Variants in MARCHF1 observed in about 807,000 individuals in gnomAD.
MARCHF1 encodes the protein membrane associated ring-CH-type finger 1, also known as E3 ubiquitin-protein ligase MARCHF1.
Under a neutral mutation model 54.2 loss-of-function variants are expected in MARCHF1, and 40 were observed. The observed-to-expected ratio is 0.74, with a 90% CI of 0.57 to 0.96. MARCHF1 has a LOEUF of 0.96. MARCHF1 is among the 40% of genes least tolerant of loss of function. The pLI is 0.00. For synonymous variants in MARCHF1, 236 were observed against 236.3 expected (o/e 1.00, Z 0.01); for missense variants, 586 against 656.5 (o/e 0.89, Z 1.17).
At chr4:164,355,559 C>A (rs1730499293) in intron 1 of MARCHF1, among the ~76,000 whole-genome samples, 1 of 91,024 alleles carries the variant, frequency 1.1e-5, no homozygotes, top group Non-Finnish European at 2.3e-5. Flanking sequence ...ACTGGCTAGC[C>A]ATATGTAGAA....
chr4:163,764,494 A>T (rs1189151859), intron 4 of MARCHF1, among the ~76,000 whole-genome samples: 1 of 152,092 alleles, frequency 6.6e-6, no homozygotes, highest in Non-Finnish European at 1.5e-5. Context: ...ACATACATGC[A>T]CATCAAAGAA....
intron 3 of MARCHF1, among the ~76,000 whole-genome samples, chr4:163,861,137 G>A (rs62350565): frequency 0.21 from 32,567 of 152,108 alleles, 4,192 homozygotes; most frequent in Admixed American, 0.31. Flanking sequence ...TCCACAAATG[G>A]CTAGAAACCA....
chr4:164,204,214 G>A (rs746882200), intron 1 of MARCHF1, among the ~76,000 whole-genome samples: 2 of 152,098 alleles, frequency 1.3e-5, no homozygotes, highest in African/African-American at 2.4e-5. Flanking sequence ...CAGATTTAAC[G>A]TCATTTCATC....
At chr4:163,817,046 C>A (rs551476231) in intron 4 of MARCHF1, among the ~76,000 whole-genome samples, 88 of 152,214 alleles carry the variant, frequency 5.8e-4, no homozygotes, top group South Asian at 1.2e-3. Context: ...TATTCACCAT[C>A]TACCATGCTC....
At chr4:164,090,623 CATTATAACAAACAAAGT>C (rs1755278527) in intron 2 of MARCHF1, among the ~76,000 whole-genome samples, 1 of 151,910 alleles carries the variant, frequency 6.6e-6, no homozygotes, top group East Asian at 1.9e-4. Flanking sequence ...AGAAAAAACA[CATTATAACAAACAAAGT>C]AGTCAAAATC....
intron 5 of MARCHF1, among the ~76,000 whole-genome samples, chr4:163,629,388 C>T (rs1295814403): frequency 1.3e-5 from 2 of 152,060 alleles, no homozygotes; most frequent in Non-Finnish European, 2.9e-5. Context: ...CTTTTTTACA[C>T]CTTATACAAA....
At chr4:164,320,449 A>G (rs976766455) in intron 1 of MARCHF1, among the ~76,000 whole-genome samples, 2 of 152,166 alleles carry the variant, frequency 1.3e-5, no homozygotes, top group Non-Finnish European at 1.5e-5. Flanking sequence ...AAGTCACAGA[A>G]GTGGCAGCTC....
chr4:163,624,586 T>C (rs536340629), intron 5 of MARCHF1, among the ~76,000 whole-genome samples: 1 of 152,330 alleles, frequency 6.6e-6, no homozygotes, highest in African/African-American at 2.4e-5. Context: ...CTCAGACCAC[T>C]AGAGGATTAG....
intron 3 of MARCHF1, among the ~76,000 whole-genome samples, chr4:163,876,097 C>T (rs1032366616): frequency 6.6e-6 from 1 of 152,090 alleles, no homozygotes; most frequent in Non-Finnish European, 1.5e-5. Flanking sequence ...GAAATTATAT[C>T]ATGACAAACC....
At chr4:164,216,450 T>C (rs998695487) in intron 1 of MARCHF1, among the ~76,000 whole-genome samples, 1 of 152,090 alleles carries the variant, frequency 6.6e-6, no homozygotes, top group Non-Finnish European at 1.5e-5. Flanking sequence ...AGGGTATGTG[T>C]GCTAATAAGG....
chr4:164,142,764 A>G (rs6830569), intron 1 of MARCHF1, among the ~76,000 whole-genome samples: 1 of 152,012 alleles, frequency 6.6e-6, no homozygotes, highest in Non-Finnish European at 1.5e-5. Flanking sequence ...AAGGAGAGCA[A>G]CTCTCCTCCT....
At chr4:163,914,697 C>T (rs573176308) in intron 3 of MARCHF1, among the ~76,000 whole-genome samples, 2 of 151,982 alleles carry the variant, frequency 1.3e-5, no homozygotes, top group Non-Finnish European at 2.9e-5. Flanking sequence ...AAGAAAAATA[C>T]TAGTAGTGTT....
At chr4:164,363,359 G>A (rs534248343) in intron 1 of MARCHF1, among the ~76,000 whole-genome samples, 2 of 152,048 alleles carry the variant, frequency 1.3e-5, no homozygotes, top group Non-Finnish European at 2.9e-5. Flanking sequence ...TTTCTCCTAA[G>A]AAGAAAATGT....
intron 5 of MARCHF1, among the ~76,000 whole-genome samples, chr4:163,616,196 A>G (rs1741503525): frequency 6.6e-6 from 1 of 152,166 alleles, no homozygotes; most frequent in Non-Finnish European, 1.5e-5. Context: ...AGCACAGACA[A>G]CAAAAAACAA....
intron 2 of MARCHF1, among the ~76,000 whole-genome samples, chr4:164,095,225 A>T (rs889898012): frequency 6.6e-6 from 1 of 152,142 alleles, no homozygotes; most frequent in Non-Finnish European, 1.5e-5. Flanking sequence ...ATTCCTCATT[A>T]GCCACCACTC....
chr4:163,782,684 A>AAAAG (rs1561074627), intron 4 of MARCHF1, among the ~76,000 whole-genome samples: 8 of 151,184 alleles, frequency 5.3e-5, no homozygotes, highest in African/African-American at 2.0e-4. Flanking sequence ...AAAAAAAAAA[A>AAAAG]AAAGAAAGAA....
At chr4:164,271,012 A>G (rs1733733103) in intron 1 of MARCHF1, among the ~76,000 whole-genome samples, 1 of 152,212 alleles carries the variant, frequency 6.6e-6, no homozygotes, top group Non-Finnish European at 1.5e-5. Context: ...ATGAGTAGAA[A>G]AATAGACTAG....
At position 164,257,907 on chromosome 4, in the gene MARCHF1, T is replaced by C. The variant is rs113047137; in HGVS notation, c.-323+125963A>G. Among the ~76,000 whole-genome samples the C allele has an allele frequency of 1.6e-3, 247 of 152,300 alleles. 1 individual carries two copies. The highest frequency in any genetic ancestry group is 5.7e-3 in the African/African-American group (236 of 41,574). Reference sequence around the variant, plus strand: ...TTGCTTGAACCCATTACTGGGTATATACCCAAAGGAATATAAGTCATTCTA... The same window carrying C: ...TTGCTTGAACCCATTACTGGGTATACACCCAAAGGAATATAAGTCATTCTA... On this transcript the variant is annotated intron_variant, in intron 1 of 9. Coordinates refer to ENST00000514618, the MANE Select transcript of MARCHF1 (RefSeq NM_001394959.1).
At chr4:163,640,607 C>A (rs963798850) in intron 5 of MARCHF1, among the ~76,000 whole-genome samples, 7 of 152,076 alleles carry the variant, frequency 4.6e-5, no homozygotes, top group African/African-American at 1.4e-4. Flanking sequence ...TATATCCAAT[C>A]ATATTTCTAC....
Sources: allele counts gnomAD v4.1 joint callset (sites outside exome capture counted in the v4.1 genomes callset), GRCh38; gene constraint gnomAD v4.1.1; transcripts MANE v1.5; gene names NCBI Gene and HGNC (gene_info 2026-07-23, HGNC 2026-07-21).